Variants in DCC observed in about 807,000 individuals in gnomAD.
DCC encodes the protein netrin receptor DCC.
Under a neutral mutation model 172.5 loss-of-function variants are expected in DCC, and 58 were observed. That is an observed-to-expected ratio of 0.34 (90% CI 0.27 to 0.42). DCC has a LOEUF of 0.42. Among genes scored for constraint, DCC ranks in the 10% least tolerant of loss-of-function variants. The pLI is 1.00. For missense variants in DCC, 1,740 were observed against 1,791.0 expected, an observed-to-expected ratio of 0.97 and a Z score of 0.51; for synonymous variants, 709 against 644.5, an observed-to-expected ratio of 1.10 and a Z score of -1.52.
intron 1 of DCC, among the ~76,000 whole-genome samples, chr18:52,455,530 A>G (rs1036436964): frequency 1.3e-5 from 2 of 152,222 alleles, no homozygotes; most frequent in Admixed American, 6.5e-5. Flanking sequence ...TGAGGGCTCA[A>G]TGATCCTCAG....
At chr18:52,520,583 A>T (rs2031781559) in intron 1 of DCC, among the ~76,000 whole-genome samples, 1 of 152,086 alleles carries the variant, frequency 6.6e-6, no homozygotes, top group Admixed American at 6.6e-5. Context: ...AACCCTTCAC[A>T]CCACCCCTGA....
intron 26 of DCC, among the ~76,000 whole-genome samples, chr18:53,495,054 ACTTACAAAG>A (rs2046003339): frequency 6.6e-6 from 1 of 152,206 alleles, no homozygotes; most frequent in East Asian, 1.9e-4. Flanking sequence ...TTTCTCTTTC[ACTTACAAAG>A]CTTAGTTTGG....
intron 1 of DCC, among the ~76,000 whole-genome samples, chr18:52,529,033 C>A (rs547283436): frequency 6.6e-5 from 10 of 152,224 alleles, no homozygotes; most frequent in Admixed American, 4.6e-4. Flanking sequence ...AAGTCTCAAC[C>A]TTTTGCTACA....
chr18:53,062,360 AC>A (rs745735383), intron 5 of DCC, among the ~76,000 whole-genome samples: 3 of 152,094 alleles, frequency 2.0e-5, no homozygotes, highest in African/African-American at 4.8e-5. Flanking sequence ...ACTGAGCATA[AC>A]AAAAATGACA....
intron 1 of DCC, among the ~76,000 whole-genome samples, chr18:52,505,497 T>C (rs1246770632): frequency 1.3e-5 from 2 of 152,196 alleles, no homozygotes; most frequent in Admixed American, 6.5e-5. Flanking sequence ...AAAGAAAATA[T>C]TGAATCTTCG....
intron 1 of DCC, among the ~76,000 whole-genome samples, chr18:52,478,240 A>G (rs1989152536): frequency 6.6e-6 from 1 of 152,148 alleles, no homozygotes. Context: ...TTGTGCCCTC[A>G]ATAGGAAGTA....
At chr18:53,345,087 A>G (rs1245078512) in intron 15 of DCC, among the ~76,000 whole-genome samples, 1 of 151,700 alleles carries the variant, frequency 6.6e-6, no homozygotes, top group East Asian at 1.9e-4. Context: ...CTGTGTCCTA[A>G]TAAAACTTTA....
Position 52,376,879 on chromosome 18 carries a change from G to T in DCC, c.91+36001G>T, listed in dbSNP as rs550643635. Among the ~76,000 whole-genome samples the T allele has an allele frequency of 8.5e-5, 13 of 152,276 alleles. No individual in the cohort carries two copies. In the South Asian group the frequency reaches 2.7e-3, roughly 32 times the overall value. On this transcript the variant is annotated intron_variant, in intron 1 of 28. Coordinates refer to ENST00000442544, the MANE Select transcript of DCC (RefSeq NM_005215.4). ...GTGTAAAAGTTGAGGAAGGGAAGGGGATAAGATGTAATGTGGTTAACACGA... is the reference window on the plus strand; with the variant it reads ...GTGTAAAAGTTGAGGAAGGGAAGGGTATAAGATGTAATGTGGTTAACACGA...
At chr18:53,273,164 A>G (rs1197170243) in intron 12 of DCC, among the ~76,000 whole-genome samples, 1 of 152,162 alleles carries the variant, frequency 6.6e-6, no homozygotes. Context: ...TTGTATTGCT[A>G]TTATATTTAA....
intron 12 of DCC, among the ~76,000 whole-genome samples, chr18:53,219,038 C>T (rs1159920173): frequency 6.6e-6 from 1 of 152,040 alleles, no homozygotes; most frequent in Non-Finnish European, 1.5e-5. Context: ...CTCTTTGAAC[C>T]TGTGAAAAGT....
chr18:53,048,261 T>C (rs938783374), intron 5 of DCC, among the ~76,000 whole-genome samples: 2 of 151,696 alleles, frequency 1.3e-5, no homozygotes, highest in Non-Finnish European at 2.9e-5. Flanking sequence ...TTTTTTCTGA[T>C]CTTCTCCCTT....
At chr18:53,332,400 A>T (rs1160564699) in intron 14 of DCC, among the ~76,000 whole-genome samples, 1 of 152,242 alleles carries the variant, frequency 6.6e-6, no homozygotes, top group Non-Finnish European at 1.5e-5. Flanking sequence ...AACAATGTTG[A>T]ACTGTAAAAA....
intron 1 of DCC, among the ~76,000 whole-genome samples, chr18:52,596,819 C>T (rs549197205): frequency 2.5e-4 from 38 of 152,284 alleles, no homozygotes; most frequent in Middle Eastern, 6.8e-3. Context: ...CCTACATGGC[C>T]TCTTTCTTCC....
At chr18:52,978,130 G>A (rs962441236) in intron 5 of DCC, among the ~76,000 whole-genome samples, 2 of 151,964 alleles carry the variant, frequency 1.3e-5, no homozygotes, top group Non-Finnish European at 2.9e-5. Context: ...AAGTGCTTCC[G>A]AGTTTATCTT....
intron 2 of DCC, among the ~76,000 whole-genome samples, chr18:52,841,958 T>A (rs1222420977): frequency 6.6e-6 from 1 of 151,766 alleles, no homozygotes; most frequent in Non-Finnish European, 1.5e-5. Flanking sequence ...AACAGAAAAA[T>A]ACAAAGATTA....
chr18:53,482,955 G>A (rs1228117073), intron 25 of DCC, among the ~76,000 whole-genome samples: 3 of 151,798 alleles, frequency 2.0e-5, no homozygotes, highest in Admixed American at 6.6e-5. Context: ...TACCCCAGGA[G>A]AGTAAATCAT....
intron 24 of DCC, among the ~76,000 whole-genome samples, chr18:53,464,406 T>A (rs924965242): frequency 3.9e-5 from 6 of 152,174 alleles, no homozygotes; most frequent in South Asian, 4.1e-4. Context: ...CTTAACTTTT[T>A]ATTAGTTATT....
intron 1 of DCC, among the ~76,000 whole-genome samples, chr18:52,576,215 A>G: frequency 6.6e-6 from 1 of 152,196 alleles, no homozygotes; most frequent in East Asian, 1.9e-4. Context: ...TCCTACAGAG[A>G]AGAAATGGCA....
rs60491222 is a variant in DCC, at chr18:52,990,540, C to CAAAAAAA, written c.985+65190_985+65196dup. On this transcript the variant is annotated intron_variant, in intron 5 of 28. Coordinates refer to ENST00000442544, the MANE Select transcript of DCC (RefSeq NM_005215.4). Reference sequence around the variant, plus strand: ...GGGCAACAAGAGCAAAACTCCATCCCAAAAAAAAAAAAAAAAAAAAAAAAA... The same window carrying CAAAAAAA: ...GGGCAACAAGAGCAAAACTCCATCCCAAAAAAAAAAAAAAAAAAAAAAAAAAAAAAAA... Among the ~76,000 whole-genome samples the CAAAAAAA allele has an allele frequency of 4.4e-3, 16 of 3,672 alleles. 5 individuals are homozygous for CAAAAAAA. The highest frequency in any genetic ancestry group is 7.0e-3 in the Non-Finnish European group (11 of 1,572). 2.4% of individuals were successfully genotyped at this position (3,672 alleles called of 152,430 possible).
Sources: gnomAD v4.1 joint callset for allele counts (sites outside exome capture counted in the v4.1 genomes callset) on GRCh38, gnomAD v4.1.1 for gene constraint, MANE v1.5 for transcripts, NCBI Gene and HGNC (gene_info 2026-07-23, HGNC 2026-07-21) for gene names.